The following ANK3 variants were observed in gnomAD, a reference collection of about 807,000 sequenced individuals.
ANK3 encodes ankyrin-3.
Under a neutral mutation model 370.9 loss-of-function variants are expected in ANK3, and 57 were observed. The observed-to-expected ratio is 0.15, with a 90% CI of 0.12 to 0.19. ANK3 has a LOEUF of 0.19. Among genes scored for constraint, ANK3 ranks in the 10% least tolerant of loss-of-function variants. The pLI, the probability that ANK3 is intolerant of heterozygous loss-of-function variation, is 1.00. For missense variants in ANK3, 4,439 were observed against 5,302.1 expected (o/e 0.84, Z 5.06); for synonymous variants, 1,929 against 1,946.3 (o/e 0.99, Z 0.23).
Position 60,327,447 on chromosome 10 carries a change from C to T in ANK3, c.115-47808G>A, listed in dbSNP as rs140943416. ...GGATGGTTGGTAAATACTGCCTATA[C>T]AAAAACTTACTTTTGCACTGACTCC... On this transcript the variant is annotated intron_variant, in intron 1 of 43. Coordinates refer to ENST00000280772, the MANE Select transcript of ANK3 (RefSeq NM_020987.5). Among the ~76,000 whole-genome samples, 296 of 152,258 alleles carry T rather than the reference C, an allele frequency of 1.9e-3. 2 individuals carry two copies. The highest frequency in any genetic ancestry group is 0.017 in the Middle Eastern group (5 of 294).
chr10:60,530,592 GT>G (rs1488166466), intron 2 of ANK3, among the ~76,000 whole-genome samples: 1 of 152,132 alleles, frequency 6.6e-6, no homozygotes, highest in Non-Finnish European at 1.5e-5. Flanking sequence ...CTGTAAGTTT[GT>G]TGCCCTATGT....
chr10:60,262,006 G>A, intron 6 of ANK3, 49 bp from the exon 7 acceptor site: 2 of 1,489,638 alleles, frequency 1.3e-6, no homozygotes, highest in Non-Finnish European at 1.9e-6. Flanking sequence ...CCAGCCCCCT[G>A]CCTGACAGGC....
At chr10:60,570,814 T>C (rs1281959363) in intron 2 of ANK3, among the ~76,000 whole-genome samples, 2 of 151,870 alleles carry the variant, frequency 1.3e-5, no homozygotes, top group East Asian at 3.9e-4. Flanking sequence ...TGAGGAGACA[T>C]GGAACACAGC....
At chr10:60,358,584 A>G (rs1179105430) in intron 1 of ANK3, among the ~76,000 whole-genome samples, 1 of 152,196 alleles carries the variant, frequency 6.6e-6, no homozygotes, top group Non-Finnish European at 1.5e-5. Context: ...AAAATTCAAT[A>G]CACTCACAGA....
intron 16 of ANK3, among the ~76,000 whole-genome samples, chr10:60,192,076 T>C (rs1354329233): frequency 6.6e-6 from 1 of 152,034 alleles, no homozygotes; most frequent in Non-Finnish European, 1.5e-5. Flanking sequence ...GTATTTTTAG[T>C]AGAGAAGGGG....
intron 14 of ANK3, among the ~76,000 whole-genome samples, chr10:60,197,526 C>T (rs1291268167): frequency 6.6e-6 from 1 of 152,224 alleles, no homozygotes; most frequent in East Asian, 1.9e-4. Context: ...TGTTTCACAT[C>T]AAATGAGCTT....
intron 8 of ANK3, among the ~76,000 whole-genome samples, chr10:60,218,607 T>C (rs1341433559): frequency 6.6e-6 from 1 of 152,168 alleles, no homozygotes; most frequent in East Asian, 1.9e-4. Context: ...TGTTGAATAT[T>C]GGCCCTCAAT....
intron 2 of ANK3, among the ~76,000 whole-genome samples, chr10:60,453,907 T>C (rs922320436): frequency 2.6e-5 from 4 of 152,224 alleles, no homozygotes; most frequent in African/African-American, 9.6e-5. Context: ...TGGTTACTGT[T>C]GGTAACTAGA....
intron 8 of ANK3, among the ~76,000 whole-genome samples, chr10:60,228,038 G>A (rs1386932561): frequency 6.6e-6 from 1 of 152,110 alleles, no homozygotes; most frequent in African/African-American, 2.4e-5. Flanking sequence ...CCAGCAGAAG[G>A]CTTAGTCCAA....
rs1268488777 is a variant in ANK3, at chr10:60,370,191, A to T, written c.114+19234T>A. 5.3e-5 allele frequency among the ~76,000 whole-genome samples: 8 copies of T among 152,316 alleles called. No individual in the cohort carries two copies. In the South Asian group the frequency reaches 1.7e-3, roughly 32 times the overall value. ...ACTTAGCTTGGCAACTTTTCCAAGC[A>T]TTCTTACATCTAAGTGTAATCGTGC... On this transcript the variant is annotated intron_variant, in intron 1 of 43. Transcript: ENST00000280772.
intron 2 of ANK3, among the ~76,000 whole-genome samples, chr10:60,509,636 A>T (rs117641222): frequency 0.018 from 2,767 of 152,248 alleles, 41 homozygotes; most frequent in Non-Finnish European, 0.025. Flanking sequence ...AAGAGTCTGC[A>T]ATTGTGCACT....
In ANK3 at chr10:60,166,964, C is replaced by G. The variant is rs2095640817; in HGVS notation, c.2479-68G>C. The G allele has an allele frequency of 1.1e-5, 14 of 1,272,118 alleles. No homozygotes were observed. In the East Asian group the frequency reaches 3.2e-4, roughly 30 times the overall value. The allele number at this position is 1,272,118 out of a possible 1,614,324, so 78.8% of individuals were successfully genotyped here. On this transcript the variant is annotated intron_variant, in intron 21 of 43. Transcript: ENST00000280772. Reference sequence around the variant, plus strand: ...CATTTTAATGGGTCTTTTCATTTATCTCTGAATTAATCAGTTTCTTGTGGA... The same window carrying G: ...CATTTTAATGGGTCTTTTCATTTATGTCTGAATTAATCAGTTTCTTGTGGA...
At chr10:60,690,210 T>C (rs1372220125) in intron 1 of ANK3, among the ~76,000 whole-genome samples, 1 of 152,136 alleles carries the variant, frequency 6.6e-6, no homozygotes, top group African/African-American at 2.4e-5. Context: ...CTGAGGCACC[T>C]GGTTCATCTC....
chr10:60,472,853 T>C (rs981724116), intron 2 of ANK3, among the ~76,000 whole-genome samples: 1 of 152,200 alleles, frequency 6.6e-6, no homozygotes, highest in Non-Finnish European at 1.5e-5. Context: ...TTTAAACTTA[T>C]ACAACATTTG....
At chr10:60,037,870 A>G (rs2075371841) in intron 43 of ANK3, among the ~76,000 whole-genome samples, 1 of 152,166 alleles carries the variant, frequency 6.6e-6, no homozygotes, top group Admixed American at 6.5e-5. Flanking sequence ...GAATTGCCAC[A>G]CCACTTTCCA....
intron 1 of ANK3, among the ~76,000 whole-genome samples, chr10:60,654,262 T>C (rs896381869): frequency 5.9e-5 from 9 of 152,202 alleles, no homozygotes; most frequent in Non-Finnish European, 2.9e-5. Context: ...TGTCTACAAA[T>C]AGACAGTTTT....
chr10:60,338,055 C>T (rs978370306), intron 1 of ANK3, among the ~76,000 whole-genome samples: 1 of 152,174 alleles, frequency 6.6e-6, no homozygotes, highest in South Asian at 2.1e-4. Context: ...ACCTCTCTCA[C>T]CTGTACTGAG....
intron 1 of ANK3, among the ~76,000 whole-genome samples, chr10:60,712,842 A>C (rs1445313465): frequency 6.6e-6 from 1 of 152,226 alleles, no homozygotes; most frequent in African/African-American, 2.4e-5. Flanking sequence ...ACTTCAGAGC[A>C]AGGAAAAATA....
intron 1 of ANK3, among the ~76,000 whole-genome samples, chr10:60,308,875 T>C (rs1270660908): frequency 6.6e-6 from 1 of 152,154 alleles, no homozygotes; most frequent in Non-Finnish European, 1.5e-5. Flanking sequence ...ATAACTCCCC[T>C]GGCATTGGAT....
Sources: gnomAD v4.1 joint callset for allele counts (sites outside exome capture counted in the v4.1 genomes callset) on GRCh38, gnomAD v4.1.1 for gene constraint, MANE v1.5 for transcripts, NCBI Gene and HGNC (gene_info 2026-07-23, HGNC 2026-07-21) for gene names.